Variants in FHIT observed in about 807,000 individuals in gnomAD.
FHIT encodes bis(5'-adenosyl)-triphosphatase.
A neutral mutation model predicts 17.9 loss-of-function variants in FHIT; 19 were observed. The observed-to-expected ratio is 1.06, with a 90% confidence interval of 0.74 to 1.56. The LOEUF (loss-of-function observed/expected upper bound fraction) is 1.56. Ranked by LOEUF, FHIT falls within the 40% of genes most tolerant of loss-of-function variation. The pLI, the probability that FHIT is intolerant of heterozygous loss-of-function variation, is 0.00. For synonymous variants in FHIT, 81 were observed against 69.7 expected (o/e 1.16, Z -0.81); for missense variants, 248 against 189.2 (o/e 1.31, Z -1.82).
intron 5 of FHIT, among the ~76,000 whole-genome samples, chr3:60,455,542 A>C (rs1217248614): frequency 6.6e-6 from 1 of 152,192 alleles, no homozygotes; most frequent in Admixed American, 6.5e-5. Context: ...AGAGATAGGC[A>C]CATAGTGGGT....
chr3:61,005,306 A>AG (rs1407824871), intron 3 of FHIT, among the ~76,000 whole-genome samples: 1 of 152,178 alleles, frequency 6.6e-6, no homozygotes, highest in East Asian at 1.9e-4. Flanking sequence ...GGGGAATTAG[A>AG]GAAAAACTTG....
intron 3 of FHIT, among the ~76,000 whole-genome samples, chr3:60,967,111 A>T (rs1284577129): frequency 6.6e-6 from 1 of 152,078 alleles, no homozygotes; most frequent in African/African-American, 2.4e-5. Context: ...CATTACCATT[A>T]CTCTTAGCTT....
intron 1 of FHIT, among the ~76,000 whole-genome samples, chr3:61,225,575 A>G (rs2039949427): frequency 6.6e-6 from 1 of 152,238 alleles, no homozygotes. Flanking sequence ...AGTGAACACA[A>G]AGTTAAGCGT....
intron 5 of FHIT, among the ~76,000 whole-genome samples, chr3:60,391,354 G>T (rs1208493500): frequency 2.6e-5 from 4 of 152,114 alleles, no homozygotes; most frequent in African/African-American, 9.7e-5. Flanking sequence ...CTGGTCTTAA[G>T]CTCCCAGCCT....
At chr3:60,761,478 G>C (rs1052965429) in intron 4 of FHIT, among the ~76,000 whole-genome samples, 2 of 152,114 alleles carry the variant, frequency 1.3e-5, no homozygotes, top group South Asian at 4.1e-4. Context: ...TTCCAAATGA[G>C]TTTTCACTAA....
At chr3:60,104,363 T>C (rs1309188298) in intron 5 of FHIT, among the ~76,000 whole-genome samples, 1 of 152,138 alleles carries the variant, frequency 6.6e-6, no homozygotes, top group Non-Finnish European at 1.5e-5. Context: ...GCTTTGATTG[T>C]AATTATCTTT....
intron 3 of FHIT, among the ~76,000 whole-genome samples, chr3:60,962,275 G>A (rs890248025): frequency 2.6e-5 from 4 of 152,190 alleles, no homozygotes; most frequent in Non-Finnish European, 5.9e-5. Context: ...TTTGCACACT[G>A]ATTTTGTATC....
chr3:60,611,934 C>G (rs1346437254), intron 4 of FHIT, among the ~76,000 whole-genome samples: 2 of 152,112 alleles, frequency 1.3e-5, no homozygotes, highest in Non-Finnish European at 2.9e-5. Context: ...GTAGGGCCCC[C>G]TTACTTTGCT....
At chr3:60,870,529 C>G (rs1484200179) in intron 3 of FHIT, among the ~76,000 whole-genome samples, 1 of 152,150 alleles carries the variant, frequency 6.6e-6, no homozygotes. Context: ...TTCAGTTCCA[C>G]AGGCAAGGCT....
intron 3 of FHIT, among the ~76,000 whole-genome samples, chr3:60,850,204 T>C (rs1703096408): frequency 6.6e-6 from 1 of 152,044 alleles, no homozygotes; most frequent in South Asian, 2.1e-4. Context: ...GACTATCCAA[T>C]CTAAAGTACC....
chr3:60,615,061 C>T (rs371331198), intron 4 of FHIT, among the ~76,000 whole-genome samples: 167 of 152,028 alleles, frequency 1.1e-3, no homozygotes, highest in African/African-American at 3.9e-3. Flanking sequence ...ATCTCTTGAC[C>T]TCGTGATCTG....
At chr3:59,947,561 G>A (rs1706876057) in intron 7 of FHIT, among the ~76,000 whole-genome samples, 1 of 152,136 alleles carries the variant, frequency 6.6e-6, no homozygotes, top group Non-Finnish European at 1.5e-5. Flanking sequence ...TATGGTATAA[G>A]AGGTTCAGTT....
At chr3:61,141,357 G>T (rs988574283) in intron 2 of FHIT, among the ~76,000 whole-genome samples, 3 of 152,074 alleles carry the variant, frequency 2.0e-5, no homozygotes, top group African/African-American at 7.2e-5. Context: ...CACTGATAAT[G>T]GACTTCTTTT....
At chr3:61,223,871 A>ATATGATACAGATACGATACAG in intron 1 of FHIT, among the ~76,000 whole-genome samples, 2 of 152,126 alleles carry the variant, frequency 1.3e-5, no homozygotes, top group Non-Finnish European at 2.9e-5. Context: ...AAGCCAACAG[A>ATATGATACAGATACGATACAG]ATATGATACA....
At chr3:60,046,325 G>A (rs1341940017) in intron 5 of FHIT, among the ~76,000 whole-genome samples, 1 of 152,206 alleles carries the variant, frequency 6.6e-6, no homozygotes, top group African/African-American at 2.4e-5. Context: ...ATTTTGAACA[G>A]AACACCAATG....
chr3:60,434,466 C>T (rs1268891427), intron 5 of FHIT, among the ~76,000 whole-genome samples: 2 of 152,014 alleles, frequency 1.3e-5, no homozygotes, highest in East Asian at 1.9e-4. Flanking sequence ...ATAGGGGATA[C>T]ATTTGAGGTT....
intron 4 of FHIT, among the ~76,000 whole-genome samples, chr3:60,676,253 T>C (rs898051436): frequency 2.0e-5 from 3 of 152,220 alleles, no homozygotes; most frequent in Non-Finnish European, 2.9e-5. Context: ...TCTCTCTGCA[T>C]ATTACATCAC....
At chr3:61,086,206 A>G (rs930799718) in intron 2 of FHIT, among the ~76,000 whole-genome samples, 30 of 152,046 alleles carry the variant, frequency 2.0e-4, no homozygotes, top group Non-Finnish European at 3.7e-4. Context: ...TCAATGTTTC[A>G]CTTAAGTATG....
At chr3:60,344,715 A>G (rs948033362) in intron 5 of FHIT, among the ~76,000 whole-genome samples, 1 of 152,194 alleles carries the variant, frequency 6.6e-6, no homozygotes, top group African/African-American at 2.4e-5. Flanking sequence ...AGCTAGATTT[A>G]TAAGTATCTT....
Sources: allele counts gnomAD v4.1 joint callset (sites outside exome capture counted in the v4.1 genomes callset), GRCh38; gene constraint gnomAD v4.1.1; transcripts MANE v1.5; gene names NCBI Gene and HGNC (gene_info 2026-07-23, HGNC 2026-07-21).